The following SCLT1 variants were observed in gnomAD, a reference collection of about 807,000 sequenced individuals.
SCLT1 encodes the protein sodium channel and clathrin linker 1.
SCLT1 carries 78 observed loss-of-function variants against 112.8 expected under a neutral mutation model. The observed-to-expected ratio is 0.69, with a 90% CI of 0.58 to 0.83. The LOEUF (loss-of-function observed/expected upper bound fraction) is 0.83, where lower values mean the gene tolerates loss of function less well. Among genes scored for constraint, SCLT1 ranks in the 40% least tolerant of loss-of-function variants. The pLI, the probability that SCLT1 is intolerant of heterozygous loss-of-function variation, is 0.00. For synonymous variants in SCLT1, 257 were observed against 254.7 expected (o/e 1.01, Z -0.09); for missense variants, 747 against 770.4 (o/e 0.97, Z 0.36).
At chr4:128,991,027 T>G (rs980272166) in intron 9 of SCLT1, among the ~76,000 whole-genome samples, 4 of 151,680 alleles carry the variant, frequency 2.6e-5, no homozygotes, top group Non-Finnish European at 5.9e-5. Flanking sequence ...AATCTATAGA[T>G]TAAATGCAAT....
At chr4:128,975,204 A>G (rs1268965800) in intron 9 of SCLT1, among the ~76,000 whole-genome samples, 2 of 151,346 alleles carry the variant, frequency 1.3e-5, no homozygotes, top group Non-Finnish European at 2.9e-5. Context: ...ACGCCTGGCT[A>G]ATTTTTTGTA....
At chr4:128,891,265 C>T (rs1733292914) in intron 18 of SCLT1, 128 bp from the exon 19 acceptor site, 9 of 663,382 alleles carry the variant, frequency 1.4e-5, no homozygotes, top group Non-Finnish European at 2.4e-5. Context: ...AAGTCACTTA[C>T]TAATAGACCA....
At position 128,884,398 on chromosome 4, in the gene SCLT1, C is replaced by A; in HGVS notation, c.*79G>T. 1 of 829,140 alleles carries A rather than the reference C, an allele frequency of 1.2e-6. No individual in the cohort carries two copies. Among genetic ancestry groups the A allele is most frequent in the South Asian group, 1.4e-5 (1 of 70,010 alleles). 51.4% of individuals were successfully genotyped at this position (829,140 alleles called of 1,614,324 possible). A position where few individuals can be genotyped will look rare whatever the true frequency, so the allele number is the denominator to read the frequency against. On this transcript the variant is annotated 3_prime_UTR_variant, in exon 21 of 21. Transcript: ENST00000281142. ...CACAAGCCTTAACTATTATACTTTG[C>A]AGGCTTTACCATTTCAATACACTTC... is the stretch of plus-strand genomic sequence containing the variant.
At chr4:129,012,409 G>C (rs1172032995) in intron 5 of SCLT1, among the ~76,000 whole-genome samples, 1 of 152,080 alleles carries the variant, frequency 6.6e-6, no homozygotes, top group East Asian at 1.9e-4. Flanking sequence ...CTGTTCTTTT[G>C]CATTTGCTGA....
chr4:129,040,032 G>A lies in SCLT1; in HGVS notation c.235-936C>T, dbSNP rs1747560333. ...CTTGATTGTGCTTCCTAAGCTAAAG[G>A]AGAGAAGCTTATCCTGGAGTACACT... is the stretch of plus-strand genomic sequence containing the variant. On this transcript the variant is annotated intron_variant, in intron 4 of 20. Transcript: ENST00000281142. 8.3e-6 allele frequency: 5 copies of A among 603,144 alleles called. No individual in the cohort carries two copies. The East Asian group carries it at 1.4e-4, about 17-fold the overall frequency. The allele number at this position is 603,144 out of a possible 1,614,324, so 37.4% of individuals were successfully genotyped here. A position where few individuals can be genotyped will look rare whatever the true frequency, so the allele number is the denominator to read the frequency against.
chr4:128,940,743 T>C (rs1464658841), intron 17 of SCLT1, among the ~76,000 whole-genome samples: 3 of 151,906 alleles, frequency 2.0e-5, no homozygotes, highest in Non-Finnish European at 4.4e-5. Context: ...GGACTTTATA[T>C]ATTTTTTTTA....
Position 128,943,734 on chromosome 4 carries a change from G to A in SCLT1, c.1440-546C>T, listed in dbSNP as rs73850060. 7.0e-3 allele frequency among the ~76,000 whole-genome samples: 1,064 copies of A among 152,054 alleles called. 7 individuals are homozygous for A. Among genetic ancestry groups the A allele is most frequent in the African/African-American group, 0.024 (1,008 of 41,470 alleles). ...ATATTTCCTGAACTGTCTCAACAAT[G>A]GACCACTGATCACTGGGTGAGACAA... On this transcript the variant is annotated intron_variant, in intron 16 of 20. Transcript: ENST00000281142.
At chr4:128,956,907 T>C (rs902287321) in intron 13 of SCLT1, 119 bp downstream of exon 13, 1 of 564,096 alleles carries the variant, frequency 1.8e-6, no homozygotes, top group Non-Finnish European at 3.1e-6. Flanking sequence ...TAATTTCATA[T>C]GGAGTCTTTA....
chr4:128,966,096 C>T (rs1442344866), intron 10 of SCLT1, among the ~76,000 whole-genome samples: 1 of 150,322 alleles, frequency 6.7e-6, no homozygotes, highest in Non-Finnish European at 1.5e-5. Flanking sequence ...TCCCAAAGTG[C>T]TGGGATTACA....
intron 8 of SCLT1, among the ~76,000 whole-genome samples, chr4:128,994,866 T>G (rs1315225083): frequency 6.6e-6 from 1 of 152,194 alleles, no homozygotes; most frequent in African/African-American, 2.4e-5. Flanking sequence ...TAGGTTTTTT[T>G]GTGTGTCTTT....
At chr4:129,084,459 A>T (rs889189859) in intron 1 of SCLT1, among the ~76,000 whole-genome samples, 5 of 152,154 alleles carry the variant, frequency 3.3e-5, no homozygotes, top group African/African-American at 1.2e-4. Flanking sequence ...CCAGTAATAA[A>T]TACAACAGAA....
chr4:129,030,183 A>C (rs1173289149), intron 5 of SCLT1, among the ~76,000 whole-genome samples: 3 of 152,178 alleles, frequency 2.0e-5, no homozygotes, highest in Admixed American at 6.5e-5. Flanking sequence ...AACTACATGG[A>C]AATTAAACAA....
intron 18 of SCLT1, among the ~76,000 whole-genome samples, chr4:128,901,476 A>T (rs984832191): frequency 6.7e-6 from 1 of 148,962 alleles, no homozygotes; most frequent in Non-Finnish European, 1.5e-5. Flanking sequence ...AACAATGAGA[A>T]CACAGGGACA....
intron 11 of SCLT1, among the ~76,000 whole-genome samples, chr4:128,960,222 T>C (rs1739566090): frequency 6.6e-6 from 1 of 152,190 alleles, no homozygotes; most frequent in Non-Finnish European, 1.5e-5. Context: ...CTTACTAATG[T>C]ATATCTTAAA....
intron 18 of SCLT1, among the ~76,000 whole-genome samples, chr4:128,893,593 A>T (rs1324425147): frequency 1.3e-5 from 2 of 152,154 alleles, no homozygotes; most frequent in East Asian, 3.9e-4. Context: ...CCCAGGCTGG[A>T]GTGCAGTGGT....
chr4:128,896,205 G>A (rs976343993), intron 18 of SCLT1, among the ~76,000 whole-genome samples: 2 of 152,202 alleles, frequency 1.3e-5, no homozygotes, highest in Non-Finnish European at 2.9e-5. Context: ...CTCCCAGCAC[G>A]CAGCTGGAGA....
chr4:129,090,266 G>T (rs1234980971), intron 1 of SCLT1, among the ~76,000 whole-genome samples: 1 of 152,162 alleles, frequency 6.6e-6, no homozygotes, highest in Non-Finnish European at 1.5e-5. Flanking sequence ...AGACAGTGGG[G>T]TACTGGTGTC....
At chr4:129,042,439 A>G (rs1482028563) in intron 4 of SCLT1, among the ~76,000 whole-genome samples, 2 of 152,164 alleles carry the variant, frequency 1.3e-5, no homozygotes, top group East Asian at 3.9e-4. Context: ...GGGACCCAAA[A>G]TGATAATCCA....
chr4:128,995,697 G>A (rs1046808160), intron 8 of SCLT1, among the ~76,000 whole-genome samples: 5 of 152,012 alleles, frequency 3.3e-5, no homozygotes, highest in Non-Finnish European at 7.4e-5. Context: ...TGATGAGCTG[G>A]GGGGTAGGGA....
Sources: gnomAD v4.1 joint callset for allele counts (sites outside exome capture counted in the v4.1 genomes callset) on GRCh38, gnomAD v4.1.1 for gene constraint, MANE v1.5 for transcripts, NCBI Gene and HGNC (gene_info 2026-07-23, HGNC 2026-07-21) for gene names.